Variants in XKR4 observed in about 807,000 individuals in gnomAD.
XKR4 encodes the protein XK-related protein 4.
XKR4 carries 12 observed loss-of-function variants against 53.9 expected under a neutral mutation model. That is an observed-to-expected ratio of 0.22 (90% confidence interval 0.14 to 0.36). The LOEUF (loss-of-function observed/expected upper bound fraction) is 0.36, where lower values mean the gene tolerates loss of function less well. Ranked by LOEUF, XKR4 falls within the 10% of genes least tolerant of loss-of-function variation. The pLI, the probability that XKR4 is intolerant of heterozygous loss-of-function variation, is 1.00. For synonymous variants in XKR4, 354 were observed against 362.4 expected, an observed-to-expected ratio of 0.98 and a Z score of 0.26; for missense variants, 799 against 859.5, an observed-to-expected ratio of 0.93 and a Z score of 0.88.
At chr8:55,353,605 G>A (rs547629765) in intron 1 of XKR4, among the ~76,000 whole-genome samples, 1 of 152,330 alleles carries the variant, frequency 6.6e-6, no homozygotes, top group East Asian at 1.9e-4. Flanking sequence ...TGTTAAAGCA[G>A]CTCTAGGAAA....
intron 2 of XKR4, among the ~76,000 whole-genome samples, chr8:55,360,006 C>A (rs972186032): frequency 2.0e-5 from 3 of 152,152 alleles, no homozygotes; most frequent in Admixed American, 2.0e-4. Context: ...CCAAGGCAAG[C>A]CTTGCTGTCA....
At position 55,462,230 on chromosome 8, in the gene XKR4, T is replaced by C. The variant is rs542434547; in HGVS notation, c.1007-61051T>C. The stretch of plus-strand genomic sequence containing the variant: ...TGTTAAGGGCAGCCAGAGAGAAAGG[T>C]CGGGTTACCCACAAAGGGAAGCCCA... On this transcript the variant is annotated intron_variant, in intron 2 of 2. Coordinates refer to ENST00000327381, the MANE Select transcript of XKR4 (RefSeq NM_052898.2). Among the ~76,000 whole-genome samples the C allele has an allele frequency of 2.6e-4, 40 of 152,256 alleles. 1 individual carries two copies. The South Asian group carries it at 5.8e-3, about 22-fold the overall frequency.
At chr8:55,398,077 A>G (rs954447120) in intron 2 of XKR4, among the ~76,000 whole-genome samples, 2 of 152,250 alleles carry the variant, frequency 1.3e-5, no homozygotes, top group Non-Finnish European at 2.9e-5. Context: ...ATTTGTTTTT[A>G]TATACAGAAT....
intron 2 of XKR4, among the ~76,000 whole-genome samples, chr8:55,474,107 C>T (rs530269531): frequency 1.2e-4 from 19 of 152,124 alleles, no homozygotes; most frequent in Non-Finnish European, 2.2e-4. Context: ...GACGTGGTCT[C>T]GCTATGTTAC....
Position 55,104,539 on chromosome 8 carries a change from C to T in XKR4, c.806+1245C>T, listed in dbSNP as rs562983940. ...AGGATTTGTGGACTAGAACCACAAA[C>T]TTCTTTTTATTTATGATGAACAACC... On this transcript the variant is annotated intron_variant, in intron 1 of 2. Transcript: ENST00000327381. 4.6e-5 allele frequency among the ~76,000 whole-genome samples: 7 copies of T among 152,268 alleles called. No individual in the cohort carries two copies. The South Asian group carries it at 1.5e-3, about 32-fold the overall frequency.
At chr8:55,465,025 T>A (rs1047399487) in intron 2 of XKR4, among the ~76,000 whole-genome samples, 1 of 152,004 alleles carries the variant, frequency 6.6e-6, no homozygotes, top group Admixed American at 6.5e-5. Flanking sequence ...TGCTCATGGG[T>A]AGGAAGAATC....
intron 1 of XKR4, among the ~76,000 whole-genome samples, chr8:55,265,586 G>T (rs1335126747): frequency 6.6e-6 from 1 of 152,178 alleles, no homozygotes; most frequent in Non-Finnish European, 1.5e-5. Context: ...GGGCATAGTG[G>T]CTCATTCCTG....
At chr8:55,481,287 C>A (rs998937870) in intron 2 of XKR4, among the ~76,000 whole-genome samples, 23 of 152,222 alleles carry the variant, frequency 1.5e-4, no homozygotes, top group East Asian at 1.4e-3. Context: ...GAAAAACAAG[C>A]AATGGGGAAA....
chr8:55,157,892 T>A (rs1225779364), intron 1 of XKR4, among the ~76,000 whole-genome samples: 1 of 152,224 alleles, frequency 6.6e-6, no homozygotes, highest in Non-Finnish European at 1.5e-5. Flanking sequence ...TTCCATGGTG[T>A]CTATGTACAT....
At chr8:55,326,944 T>A (rs929415428) in intron 1 of XKR4, among the ~76,000 whole-genome samples, 1 of 151,966 alleles carries the variant, frequency 6.6e-6, no homozygotes, top group Non-Finnish European at 1.5e-5. Context: ...CAAGATGATT[T>A]TGAGGGACAA....
chr8:55,121,132 G>A (rs1158376036), intron 1 of XKR4, among the ~76,000 whole-genome samples: 2 of 152,162 alleles, frequency 1.3e-5, no homozygotes, highest in African/African-American at 2.4e-5. Flanking sequence ...GGACATCTTG[G>A]TTGCTTCCAA....
intron 1 of XKR4, among the ~76,000 whole-genome samples, chr8:55,175,255 T>C (rs1381471546): frequency 6.6e-6 from 1 of 152,210 alleles, no homozygotes; most frequent in Non-Finnish European, 1.5e-5. Context: ...CAAAGATATT[T>C]TAATGAGAAG....
At chr8:55,374,037 G>A (rs554958719) in intron 2 of XKR4, among the ~76,000 whole-genome samples, 1 of 152,284 alleles carries the variant, frequency 6.6e-6, no homozygotes, top group Admixed American at 6.5e-5. Flanking sequence ...GCCAAACCAG[G>A]AACAGGAGGG....
chr8:55,321,915 G>A (rs1274251032), intron 1 of XKR4, among the ~76,000 whole-genome samples: 1 of 152,194 alleles, frequency 6.6e-6, no homozygotes, highest in African/African-American at 2.4e-5. Context: ...CTCGAACACA[G>A]GAGGCGGAGG....
chr8:55,181,276 T>A (rs1392314035), intron 1 of XKR4, among the ~76,000 whole-genome samples: 2 of 152,226 alleles, frequency 1.3e-5, no homozygotes, highest in Non-Finnish European at 2.9e-5. Context: ...TCTGTGTGTG[T>A]CTCATTCTGA....
At chr8:55,149,164 G>T (rs886672314) in intron 1 of XKR4, among the ~76,000 whole-genome samples, 2 of 152,218 alleles carry the variant, frequency 1.3e-5, no homozygotes, top group African/African-American at 4.8e-5. Context: ...AGAGCTGCTG[G>T]CTGTGTCTCT....
chr8:55,495,359 G>T (rs1199490474), intron 2 of XKR4, among the ~76,000 whole-genome samples: 10 of 152,068 alleles, frequency 6.6e-5, no homozygotes. Flanking sequence ...TGCACCCAAG[G>T]AGCTCCCGCC....
At chr8:55,431,749 G>A (rs575033680) in intron 2 of XKR4, among the ~76,000 whole-genome samples, 6 of 152,268 alleles carry the variant, frequency 3.9e-5, no homozygotes, top group Non-Finnish European at 8.8e-5. Flanking sequence ...TTTGTCATCC[G>A]ATACTACCTT....
intron 2 of XKR4, among the ~76,000 whole-genome samples, chr8:55,416,504 C>T (rs1804847757): frequency 6.6e-6 from 1 of 152,170 alleles, no homozygotes; most frequent in Non-Finnish European, 1.5e-5. Flanking sequence ...CCAGATATTA[C>T]TTGGCTGAGA....
Sources: allele counts gnomAD v4.1 joint callset (sites outside exome capture counted in the v4.1 genomes callset), GRCh38; gene constraint gnomAD v4.1.1; transcripts MANE v1.5; gene names NCBI Gene and HGNC (gene_info 2026-07-23, HGNC 2026-07-21).